Variants in PCNX1 observed in about 807,000 individuals in gnomAD.
PCNX1 encodes the protein pecanex 1.
Under a neutral mutation model 242.2 loss-of-function variants are expected in PCNX1, and 78 were observed. That is an observed-to-expected ratio of 0.32 (90% CI 0.27 to 0.39). The LOEUF is 0.39. Among genes scored for constraint, PCNX1 ranks in the 10% least tolerant of loss-of-function variants. PCNX1 has a pLI of 1.00. For synonymous variants in PCNX1, 1,024 were observed against 1,032.9 expected (o/e 0.99, Z 0.17); for missense variants, 2,581 against 2,856.5 (o/e 0.90, Z 2.20).
rs77414299 is a variant in PCNX1 at position 70,925,866 on chromosome 14, C to T, written c.153+17863C>T. On this transcript the variant is annotated intron_variant, in intron 1 of 35. Transcript: ENST00000304743. ...TCATGTTTACATAGATTGCCCCTGC[C>T]GTTTTTTCCTTTTGACCGCCATAGC... Among the ~76,000 whole-genome samples, 1,364 of 152,166 alleles carry T rather than the reference C, an allele frequency of 9.0e-3. 10 individuals are homozygous for T. The highest frequency in any genetic ancestry group is 0.012 in the Non-Finnish European group (843 of 68,004).
At chr14:70,954,592 A>G (rs767350299) in intron 2 of PCNX1, among the ~76,000 whole-genome samples, 1 of 152,136 alleles carries the variant, frequency 6.6e-6, no homozygotes, top group Non-Finnish European at 1.5e-5. Flanking sequence ...GAAATTTATG[A>G]TTTTATAGTA....
At chr14:70,990,026 T>G (rs999416068) in intron 7 of PCNX1, among the ~76,000 whole-genome samples, 4 of 152,206 alleles carry the variant, frequency 2.6e-5, no homozygotes, top group South Asian at 4.1e-4. Flanking sequence ...TTGGAACAGA[T>G]AAACCCCTTC....
At chr14:71,096,343 TG>T (rs376477416) in intron 30 of PCNX1, among the ~76,000 whole-genome samples, 198 of 151,776 alleles carry the variant, frequency 1.3e-3, no homozygotes, top group African/African-American at 4.5e-3. Context: ...GAGCTGGGCA[TG>T]GGGGCGTGTG....
At position 71,055,495 on chromosome 14, in the gene PCNX1, T is replaced by A. The variant is rs762419899; in HGVS notation, c.4578-9T>A. 1.9e-6 allele frequency: 3 copies of A among 1,576,532 alleles called. No homozygotes were observed. The highest frequency in any genetic ancestry group is 2.6e-6 in the Non-Finnish European group (3 of 1,149,610). ...AAGAAAGTTACTAAAAATGTTTTAT[T>A]TTCTTTAGCACAAAACGAGTGGATC... On this transcript the variant is annotated splice_polypyrimidine_tract_variant and intron_variant, in intron 24 of 35. Coordinates refer to ENST00000304743, the MANE Select transcript of PCNX1 (RefSeq NM_014982.3).
chr14:70,924,126 G>A (rs565921456), intron 1 of PCNX1, among the ~76,000 whole-genome samples: 1 of 151,864 alleles, frequency 6.6e-6, no homozygotes, highest in African/African-American at 2.4e-5. Context: ...CAGCTACTTG[G>A]GAGGCTGAGG....
intron 23 of PCNX1, among the ~76,000 whole-genome samples, chr14:71,051,299 T>G (rs528337096): frequency 6.6e-6 from 1 of 152,150 alleles, no homozygotes; most frequent in South Asian, 2.1e-4. Context: ...ATACAGGTTT[T>G]GTAAGAAAGT....
At chr14:71,010,872 A>G (rs926479501) in intron 9 of PCNX1, among the ~76,000 whole-genome samples, 10 of 152,226 alleles carry the variant, frequency 6.6e-5, no homozygotes, top group Admixed American at 1.3e-4. Context: ...AGTAGAACAT[A>G]TAGATAACCA....
chr14:70,998,670 G>C lies in PCNX1; in HGVS notation c.2629+2745G>C, dbSNP rs117052721. Among the ~76,000 whole-genome samples the C allele has an allele frequency of 9.7e-3, 1,417 of 146,462 alleles. 11 individuals are homozygous for C. Among genetic ancestry groups the C allele is most frequent in the Non-Finnish European group, 0.016 (1,052 of 67,078 alleles). On this transcript the variant is annotated intron_variant, in intron 8 of 35. Coordinates refer to ENST00000304743, the MANE Select transcript of PCNX1 (RefSeq NM_014982.3). Reference sequence around the variant, plus strand: ...AAAGGCTAAGTCACAAGAATTGCTTGAATCTGGGAGGCGGAGGTTGCAGTG... The same window carrying C: ...AAAGGCTAAGTCACAAGAATTGCTTCAATCTGGGAGGCGGAGGTTGCAGTG...
chr14:70,973,252 CAA>C (rs71448337), intron 5 of PCNX1, among the ~76,000 whole-genome samples: 33 of 80,392 alleles, frequency 4.1e-4, no homozygotes, highest in Admixed American at 8.7e-4. Context: ...CACTCTGTCT[CAA>C]AAAAAAAAAA....
chr14:70,962,050 A>G (rs965238377), intron 2 of PCNX1, among the ~76,000 whole-genome samples, 176 bp from the exon 3 acceptor site: 1 of 151,946 alleles, frequency 6.6e-6, no homozygotes, highest in Admixed American at 6.5e-5. Flanking sequence ...AATAGTTCCA[A>G]GTATCAGACT....
At chr14:71,020,360 T>C (rs1419861375) in intron 12 of PCNX1, among the ~76,000 whole-genome samples, 1 of 152,224 alleles carries the variant, frequency 6.6e-6, no homozygotes, top group Non-Finnish European at 1.5e-5. Flanking sequence ...ATCGCCACAC[T>C]GTCTTTCATA....
chr14:70,988,441 G>T, intron 6 of PCNX1, 126 bp from the exon 7 acceptor site: 4 of 856,658 alleles, frequency 4.7e-6, no homozygotes, highest in Non-Finnish European at 7.3e-6. Flanking sequence ...GTATACATGT[G>T]AAAACAGTTT....
intron 1 of PCNX1, among the ~76,000 whole-genome samples, chr14:70,938,301 G>T (rs184029935): frequency 1.3e-5 from 2 of 152,026 alleles, no homozygotes; most frequent in Admixed American, 6.6e-5. Context: ...TTTGAGATAC[G>T]TCCCATCAAT....
At chr14:71,069,233 G>T (rs773402999) in intron 26 of PCNX1, among the ~76,000 whole-genome samples, 4 of 152,106 alleles carry the variant, frequency 2.6e-5, no homozygotes, top group Non-Finnish European at 2.9e-5. Context: ...CACAATTATG[G>T]AATTATGGGA....
intron 1 of PCNX1, among the ~76,000 whole-genome samples, chr14:70,943,604 C>T (rs1365634486): frequency 6.6e-6 from 1 of 152,196 alleles, no homozygotes. Flanking sequence ...CAATAGAAAG[C>T]ACAACCCCAT....
rs2140627391 is a variant in PCNX1 at position 71,014,806 on chromosome 14, T to C, written c.2996+1604T>C. On this transcript the variant is annotated intron_variant, in intron 11 of 35. Coordinates refer to ENST00000304743, the MANE Select transcript of PCNX1 (RefSeq NM_014982.3). ...TTTGAAGAAATAAGGAGACAAAAGATTTTGAAGAAATAAGAGTGGAGAACT... is the reference window on the plus strand; with the variant it reads ...TTTGAAGAAATAAGGAGACAAAAGACTTTGAAGAAATAAGAGTGGAGAACT... Among the ~76,000 whole-genome samples, 2 of 152,178 alleles carry C rather than the reference T, an allele frequency of 1.3e-5. 1 individual carries two copies. The highest frequency in any genetic ancestry group is 4.2e-4 in the South Asian group (2 of 4,818).
At chr14:71,048,934 A>T (rs1000983839) in intron 22 of PCNX1, 1 of 432,630 alleles carries the variant, frequency 2.3e-6, no homozygotes, top group Non-Finnish European at 3.1e-6. Flanking sequence ...AAATATTTCA[A>T]TATTATATCT....
At chr14:71,052,997 C>T (rs1376508789) in intron 24 of PCNX1, among the ~76,000 whole-genome samples, 1 of 152,230 alleles carries the variant, frequency 6.6e-6, no homozygotes, top group Non-Finnish European at 1.5e-5. Flanking sequence ...TACTGACCAT[C>T]TCCATGACTG....
At chr14:70,979,830 C>T (rs1011323612) in intron 6 of PCNX1, among the ~76,000 whole-genome samples, 2 of 151,980 alleles carry the variant, frequency 1.3e-5, no homozygotes, top group African/African-American at 4.8e-5. Context: ...AAGAAATTTT[C>T]TAGTACCTAA....
Sources: gnomAD v4.1 joint callset for allele counts (sites outside exome capture counted in the v4.1 genomes callset) on GRCh38, gnomAD v4.1.1 for gene constraint, MANE v1.5 for transcripts, NCBI Gene and HGNC (gene_info 2026-07-23, HGNC 2026-07-21) for gene names.